PLEKHG1: variants seen among roughly 807,000 people sequenced by gnomAD.
PLEKHG1 encodes the protein pleckstrin homology domain-containing family G member 1.
Under a neutral mutation model 100.8 loss-of-function variants are expected in PLEKHG1, and 44 were observed. The ratio of observed to expected loss-of-function variants is 0.44; its 90% CI spans 0.34 to 0.56. The LOEUF (loss-of-function observed/expected upper bound fraction) is 0.56. Among genes scored for constraint, PLEKHG1 ranks in the 20% least tolerant of loss-of-function variants. The pLI is 0.01. For synonymous variants in PLEKHG1, 640 were observed against 662.5 expected, an observed-to-expected ratio of 0.97 and a Z score of 0.52; for missense variants, 1,545 against 1,720.9, an observed-to-expected ratio of 0.90 and a Z score of 1.81.
chr6:150,713,074 C>A (rs537867584), intron 3 of PLEKHG1, among the ~76,000 whole-genome samples: 8 of 152,238 alleles, frequency 5.3e-5, no homozygotes, highest in African/African-American at 1.7e-4. Context: ...CAGCATGGGG[C>A]CTGATCAGTA....
intron 1 of PLEKHG1, among the ~76,000 whole-genome samples, chr6:150,616,179 C>CT (rs1316489467): frequency 6.6e-6 from 1 of 152,152 alleles, no homozygotes; most frequent in Non-Finnish European, 1.5e-5. Context: ...GAGAAATTCA[C>CT]TTTTTTGCCC....
At chr6:150,824,994 C>T (rs1193319530) in intron 14 of PLEKHG1, among the ~76,000 whole-genome samples, 2 of 152,086 alleles carry the variant, frequency 1.3e-5, no homozygotes, top group African/African-American at 2.4e-5. Context: ...CTGCAGAGGG[C>T]TCCCTGCTCT....
intron 3 of PLEKHG1, among the ~76,000 whole-genome samples, chr6:150,665,416 G>A (rs1779356173): frequency 6.6e-6 from 1 of 152,148 alleles, no homozygotes; most frequent in Admixed American, 6.5e-5. Flanking sequence ...AGATCACGAG[G>A]TCAGGAGTTC....
intron 1 of PLEKHG1, among the ~76,000 whole-genome samples, chr6:150,626,309 C>A (rs189633364): frequency 7.9e-5 from 12 of 152,206 alleles, no homozygotes; most frequent in Admixed American, 4.6e-4. Flanking sequence ...AGGGTGTTAT[C>A]TTCAGAGGCC....
At chr6:150,786,675 A>G (rs1785639766) in intron 4 of PLEKHG1, among the ~76,000 whole-genome samples, 1 of 152,108 alleles carries the variant, frequency 6.6e-6, no homozygotes, top group South Asian at 2.1e-4. Context: ...TAACTGAATA[A>G]TGTTACTCTT....
intron 5 of PLEKHG1, 90 bp downstream of exon 6, chr6:150,795,992 C>T: frequency 2.4e-6 from 2 of 825,368 alleles, no homozygotes; most frequent in East Asian, 4.9e-5. Flanking sequence ...GTTAGGCATT[C>T]TGTGCCTGGC....
At chr6:150,765,435 A>T (rs554941143) in intron 2 of PLEKHG1, among the ~76,000 whole-genome samples, 1 of 151,600 alleles carries the variant, frequency 6.6e-6, no homozygotes, top group Non-Finnish European at 1.5e-5. Context: ...TGGAGGTCGT[A>T]GTGAGCCGAG....
Position 150,804,068 on chromosome 6 carries a change from GT to G in PLEKHG1, c.781-531del, listed in dbSNP as rs1180240879. On this transcript the variant is annotated intron_variant, in intron 6 of 15. Transcript: ENST00000358517. ...TTCCACTTTTATCTTTCCTATCCTT[GT>G]TTTTTTTTTTCCCCTTGTCTTACCA... Among the ~76,000 whole-genome samples the G allele has an allele frequency of 5.8e-3, 595 of 102,390 alleles. 5 individuals carry two copies. The highest frequency in any genetic ancestry group is 8.2e-3 in the Middle Eastern group (1 of 122). The allele number at this position is 102,390 out of a possible 152,430, so 67.2% of individuals were successfully genotyped here. A position where few individuals can be genotyped will look rare whatever the true frequency, so the allele number is the denominator to read the frequency against.
intron 1 of PLEKHG1, among the ~76,000 whole-genome samples, chr6:150,728,164 A>G (rs781276411): frequency 5.9e-5 from 9 of 152,268 alleles, no homozygotes; most frequent in Non-Finnish European, 1.3e-4. Context: ...TTATTTGAAC[A>G]AAGATTGATA....
intron 3 of PLEKHG1, chr6:150,651,961 A>T (rs575532256): frequency 1.3e-5 from 2 of 152,342 alleles, no homozygotes; most frequent in East Asian, 3.9e-4. Flanking sequence ...ATTAACATAC[A>T]TAAAGACTCA....
At chr6:150,614,283 C>T (rs1287377992) in intron 1 of PLEKHG1, among the ~76,000 whole-genome samples, 1 of 152,144 alleles carries the variant, frequency 6.6e-6, no homozygotes, top group Non-Finnish European at 1.5e-5. Flanking sequence ...TGAAATCCCA[C>T]CTCTCCTCCC....
At chr6:150,605,310 G>A (rs1053869339) in intron 1 of PLEKHG1, among the ~76,000 whole-genome samples, 1 of 152,194 alleles carries the variant, frequency 6.6e-6, no homozygotes. Flanking sequence ...GTGTAGCAGA[G>A]TACATACGTG....
At chr6:150,750,624 C>CA (rs1210132041) in intron 2 of PLEKHG1, among the ~76,000 whole-genome samples, 38 of 151,156 alleles carry the variant, frequency 2.5e-4, no homozygotes, top group African/African-American at 9.0e-4. Context: ...ACTAAAAATA[C>CA]AAAAAAATTA....
intron 3 of PLEKHG1, among the ~76,000 whole-genome samples, chr6:150,776,031 ATC>A (rs1370067002): frequency 6.6e-6 from 1 of 152,118 alleles, no homozygotes; most frequent in Non-Finnish European, 1.5e-5. Flanking sequence ...GCATCCTCGA[ATC>A]TCTCTCAGTG....
chr6:150,640,800 T>C lies in PLEKHG1; in HGVS notation c.-158+2675T>C, dbSNP rs373222856. ...TTCATTTAACAATTATTTGTGAGCA[T>C]CTGCCATGTGCTGGGCATCGGGCAT... is the stretch of plus-strand genomic sequence containing the variant. On this transcript the variant is annotated intron_variant, in intron 2 of 3. Transcript: ENST00000367326. Among the ~76,000 whole-genome samples the C allele has an allele frequency of 1.1e-3, 174 of 152,294 alleles. 2 individuals carry two copies. The South Asian group carries it at 0.015, about 13-fold the overall frequency.
chr6:150,709,826 G>A (rs956899036), intron 3 of PLEKHG1, among the ~76,000 whole-genome samples: 7 of 152,066 alleles, frequency 4.6e-5, no homozygotes, highest in African/African-American at 1.4e-4. Flanking sequence ...TTGTTCTTTT[G>A]CCCAGGCTGG....
At position 150,669,446 on chromosome 6, in the gene PLEKHG1, C is replaced by A. The variant is rs369536356; in HGVS notation, c.-99+18660C>A. Among the ~76,000 whole-genome samples, 101 of 152,172 alleles carry A rather than the reference C, an allele frequency of 6.6e-4. 1 individual carries two copies. The South Asian group carries it at 0.019, about 29-fold the overall frequency. On this transcript the variant is annotated intron_variant, in intron 3 of 3. Coordinates refer to the PLEKHG1 transcript ENST00000367326. ...GGCTTCAGTCTGTGGGGAGAATTAA[C>A]CCTTTAGCTAATGGATAAAATAACG...
At position 150,831,905 on chromosome 6, in the gene PLEKHG1, AAC is replaced by A; in HGVS notation, c.2795_2796del (p.Asn932ThrfsTer6). The A allele has an allele frequency of 6.2e-7, 1 of 1,614,106 alleles. No individual in the cohort carries two copies. Among genetic ancestry groups the A allele is most frequent in the Non-Finnish European group, 8.5e-7 (1 of 1,179,930 alleles). ...TAAAGAAGGCTCCTTTATGAGCCTT[AAC>A]CGGCTTTCTCTGGCTAGTGAAATGC... On this transcript the variant is annotated frameshift_variant, in exon 15 of 16. Transcript: ENST00000358517. LOFTEE classifies it high-confidence loss of function. This position sits in a 1 kb window ranked among gnomAD's most constrained non-coding sequence, Gnocchi z 4.1.
intron 3 of PLEKHG1, among the ~76,000 whole-genome samples, chr6:150,779,218 C>T (rs923836922): frequency 6.6e-6 from 1 of 152,092 alleles, no homozygotes; most frequent in African/African-American, 2.4e-5. Context: ...TGAGGTACAC[C>T]TGGAGCCTGG....
Sources: allele counts gnomAD v4.1 joint callset (sites outside exome capture counted in the v4.1 genomes callset), GRCh38; gene constraint gnomAD v4.1.1; non-coding constraint Gnocchi (gnomAD v3.1); transcripts MANE v1.5; gene names NCBI Gene and HGNC (gene_info 2026-07-23, HGNC 2026-07-21).